The following POLR1B variants were observed in gnomAD, a reference collection of about 807,000 sequenced individuals.
The protein encoded by POLR1B is DNA-directed RNA polymerase I subunit RPA2.
Under a neutral mutation model 105.8 loss-of-function variants are expected in POLR1B, and 30 were observed. That is an observed-to-expected ratio of 0.28 (90% CI 0.21 to 0.38). The LOEUF (loss-of-function observed/expected upper bound fraction) is 0.38. Ranked by LOEUF, POLR1B falls within the 10% of genes least tolerant of loss-of-function variation. The probability of loss-of-function intolerance (pLI) is 1.00; values close to 1 mark genes in which losing one functional copy is unlikely to be tolerated. For synonymous variants in POLR1B, 485 were observed against 505.1 expected, an observed-to-expected ratio of 0.96 and a Z score of 0.53; for missense variants, 976 against 1,435.8, an observed-to-expected ratio of 0.68 and a Z score of 5.17.
At chr2:112,557,129 T>A (rs1011332758) in intron 7 of POLR1B, among the ~76,000 whole-genome samples, 7 of 152,056 alleles carry the variant, frequency 4.6e-5, no homozygotes, top group African/African-American at 2.4e-5. Context: ...ACAAAAAAAA[T>A]TTAAAAATTA....
At position 112,559,610 on chromosome 2, in the gene POLR1B, T is replaced by A. The variant is rs757375118; in HGVS notation, c.1612+36T>A. 7.6e-6 allele frequency: 12 copies of A among 1,586,814 alleles called. No homozygotes were observed. In the Admixed American group the frequency reaches 2.1e-4, roughly 28 times the overall value. On this transcript the variant is annotated intron_variant, in intron 9 of 14. Transcript: ENST00000263331. ...TACAGTGATAAACATCTTGTTTGGT[T>A]ATGTGGGTTTTTTTGTGTTCTTTTT...
intron 6 of POLR1B, 85 bp downstream of exon 6, chr2:112,552,083 G>GCATTTGGGCAAAC: frequency 9.2e-7 from 1 of 1,085,446 alleles, no homozygotes; most frequent in East Asian, 2.4e-5. Context: ...GGGCGGGCGA[G>GCATTTGGGCAAAC]TCATTTGGGA....
rs1337055246 is a variant in POLR1B at position 112,568,271 on chromosome 2, A to ACTTTCCAGCTC, written c.1917+141_1917+142insGCTCCTTTCCA. 12 of 868,456 alleles carry ACTTTCCAGCTC rather than the reference A, an allele frequency of 1.4e-5. No individual in the cohort carries two copies. In the African/African-American group the frequency reaches 1.9e-4, roughly 14 times the overall value. 53.8% of individuals were successfully genotyped at this position (868,456 alleles called of 1,614,324 possible). On this transcript the variant is annotated intron_variant, in intron 11 of 14. Transcript: ENST00000263331. ...AGTTGGACATTTGAAAGAAAGTCAG[A>ACTTTCCAGCTC]CTTTCCACCTCCTCTATGATCAGCA...
intron 3 of POLR1B, among the ~76,000 whole-genome samples, chr2:112,548,393 T>G (rs1039317710): frequency 2.0e-5 from 3 of 152,208 alleles, no homozygotes; most frequent in Non-Finnish European, 4.4e-5. Flanking sequence ...AATGTTATGA[T>G]AACATAGAGC....
chr2:112,574,750 T>TTA, intron 14 of POLR1B, 97 bp from the exon 15 acceptor site: 1 of 974,826 alleles, frequency 1.0e-6, no homozygotes. Context: ...AAAAAAGTTT[T>TTA]ACAAATATCC....
chr2:112,573,323 G>A (rs537103271), intron 13 of POLR1B, among the ~76,000 whole-genome samples: 2 of 152,126 alleles, frequency 1.3e-5, no homozygotes, highest in Non-Finnish European at 1.5e-5. Context: ...GGCTGGTCTC[G>A]AACTCCTGAC....
At chr2:112,545,731 C>T (rs1683004970) in intron 1 of POLR1B, 1 of 230,648 alleles carries the variant, frequency 4.3e-6, no homozygotes, top group Non-Finnish European at 8.9e-6. Context: ...CCTCGACCTT[C>T]CAGGATCAAG....
chr2:112,551,209 G>C (rs1239458760), intron 5 of POLR1B, among the ~76,000 whole-genome samples: 4 of 152,170 alleles, frequency 2.6e-5, no homozygotes, highest in Non-Finnish European at 5.9e-5. Context: ...GGAGTGCTTT[G>C]GCTGGGCACT....
chr2:112,553,761 A>G (rs1024425391), intron 7 of POLR1B: 7 of 152,212 alleles, frequency 4.6e-5, no homozygotes, highest in Non-Finnish European at 1.0e-4. Flanking sequence ...CGTTGACCAG[A>G]ATGTTATGAC....
chr2:112,549,989 A>G (rs62158586), intron 4 of POLR1B, among the ~76,000 whole-genome samples: 22,414 of 152,210 alleles, frequency 0.15, 2,084 homozygotes, highest in East Asian at 0.32. Flanking sequence ...ATCAATCATA[A>G]GCATTTTAAA....
intron 6 of POLR1B, among the ~76,000 whole-genome samples, chr2:112,552,356 T>A (rs1184308500): frequency 6.6e-6 from 1 of 152,204 alleles, no homozygotes; most frequent in Non-Finnish European, 1.5e-5. Context: ...GTACAATCCC[T>A]GAAAGTTGCA....
intron 7 of POLR1B, among the ~76,000 whole-genome samples, chr2:112,556,175 A>C (rs1683650888): frequency 6.6e-6 from 1 of 152,236 alleles, no homozygotes. Context: ...AAGGAATCTA[A>C]ACAGCAACCA....
intron 3 of POLR1B, among the ~76,000 whole-genome samples, chr2:112,548,857 C>G (rs1683207832): frequency 1.3e-5 from 2 of 152,202 alleles, no homozygotes. Context: ...TGTGATGCTC[C>G]TGTCTCGGCC....
Position 112,547,049 on chromosome 2 carries a change from G to A in POLR1B, c.215G>A (p.Arg72His), listed in dbSNP as rs560435122. 1.2e-5 allele frequency: 19 copies of A among 1,614,048 alleles called. No individual in the cohort carries two copies. The highest frequency in any genetic ancestry group is 1.6e-4 in the Middle Eastern group (1 of 6,084). ...TTTGAATTTGCTTTCAAAGATGAGC[G>A]TATCTCTTTTACTATTCTGGATGCT... ...PPFEFAFKDERISFTILDAVI... is the reference protein window; with the variant it reads ...PPFEFAFKDEHISFTILDAVI... The change falls in exon 2 of 15, where the codon CGT becomes CAT. Residue 72 changes from arginine to histidine, a missense_variant. This residue lies in a region of POLR1B where 452 missense variants were observed against 616.5 expected (regional missense o/e 0.73). Transcript: ENST00000263331.
rs943157065 is a variant in POLR1B at position 112,559,521 on chromosome 2, T to C, written c.1559T>C (p.Val520Ala). 1.9e-6 allele frequency: 3 copies of C among 1,614,260 alleles called. No individual in the cohort carries two copies. The African/African-American group carries it at 4.0e-5, about 22-fold the overall frequency. The change falls in exon 9 of 15, where the codon GTT becomes GCT. Residue 520 changes from valine (V) to alanine (A), a missense_variant. Val to Ala is a moderately conservative substitution (Grantham distance 64). Around this residue, in one of 12 missense-constraint regions of POLR1B, gnomAD observed 184 missense variants for 197.4 expected, o/e 0.93. Coordinates refer to ENST00000263331, the MANE Select transcript of POLR1B (RefSeq NM_019014.6). ...LMNHLTAVCE[V>A]VTQFVYTASI... is the part of the protein sequence containing the mutation. ...AACCACCTAACTGCCGTATGTGAGG[T>C]TGTCACACAGTTTGTGTATACGGCA...
chr2:112,559,287 A>C lies in POLR1B; in HGVS notation c.1331-6A>C, dbSNP rs1230747418. On this transcript the variant is annotated splice_region_variant and splice_polypyrimidine_tract_variant and intron_variant, in intron 8 of 14. Coordinates refer to ENST00000263331, the MANE Select transcript of POLR1B (RefSeq NM_019014.6). ...CCCATTTTTGAATGACTTTTGTTTT[A>C]TTAAGGTCTTGGCCTCCTACAAGAT... The C allele has an allele frequency of 1.2e-6, 2 of 1,612,194 alleles. No individual in the cohort carries two copies. The highest frequency in any genetic ancestry group is 8.5e-7 in the Non-Finnish European group (1 of 1,178,462).
chr2:112,552,722 C>G lies in POLR1B; in HGVS notation c.1064C>G (p.Ala355Gly), dbSNP rs747673952. Residue 355 changes from alanine (A) to glycine (G), a missense_variant, in exon 7 of 15, where the codon GCT becomes GGT. Around this residue, in one of 12 missense-constraint regions of POLR1B, gnomAD observed 452 missense variants for 616.5 expected, o/e 0.73. Transcript: ENST00000263331. Reference protein sequence around the residue: ...MLCLMTRKLFALAKGECMEDN... With the variant: ...MLCLMTRKLFGLAKGECMEDN... ...TGTCTCATGACGCGAAAGCTCTTTG[C>G]TTTAGCCAAAGGAGAGTGCATGGAG... The G allele has an allele frequency of 1.9e-6, 3 of 1,612,302 alleles. No individual in the cohort carries two copies. Among genetic ancestry groups the G allele is most frequent in the Admixed American group, 3.3e-5 (2 of 59,724 alleles).
intron 5 of POLR1B, among the ~76,000 whole-genome samples, chr2:112,551,370 T>G (rs1683357980): frequency 6.6e-6 from 1 of 152,190 alleles, no homozygotes; most frequent in African/African-American, 2.4e-5. Context: ...ACATGGCCCT[T>G]TCTGTAGGCT....
Position 112,568,834 on chromosome 2 carries a change from T to C in POLR1B, c.2006T>C (p.Val669Ala). ...CTCTTTCCACACAGCCTGCTGAGTG[T>C]GATTGCCAACTTCATCCCTTTCTCT... is the stretch of plus-strand genomic sequence containing the variant. ...QELFPHSLLSVIANFIPFSDH... is the reference protein window; with the variant it reads ...QELFPHSLLSAIANFIPFSDH... The change falls in exon 12 of 15, where the codon GTG (valine) becomes GCG (alanine). Residue 669 changes from valine (V) to alanine (A), a missense_variant. Coordinates refer to ENST00000263331, the MANE Select transcript of POLR1B (RefSeq NM_019014.6). 6.2e-7 allele frequency: 1 copy of C among 1,614,176 alleles called. No individual in the cohort carries two copies.
Sources: allele counts gnomAD v4.1 joint callset (sites outside exome capture counted in the v4.1 genomes callset), GRCh38; gene constraint gnomAD v4.1.1; regional missense constraint gnomAD v4.1.1; transcripts MANE v1.5; gene names NCBI Gene and HGNC (gene_info 2026-07-23, HGNC 2026-07-21).